PPP1R13B: variants seen among roughly 807,000 people sequenced by gnomAD.
The protein encoded by PPP1R13B is protein phosphatase 1 regulatory subunit 13B.
A neutral mutation model predicts 119.8 loss-of-function variants in PPP1R13B; 44 were observed. The observed-to-expected ratio is 0.37, with a 90% CI of 0.29 to 0.47. The LOEUF (loss-of-function observed/expected upper bound fraction) is 0.47. Among genes scored for constraint, PPP1R13B ranks in the 20% least tolerant of loss-of-function variants. PPP1R13B has a pLI of 0.99. For missense variants in PPP1R13B, 1,227 were observed against 1,413.5 expected (o/e 0.87, Z 2.12); for synonymous variants, 542 against 561.5 (o/e 0.97, Z 0.49).
upstream of PPP1R13B, chr14:103,848,431 GACC>G: frequency 1.0e-6 from 1 of 985,462 alleles, no homozygotes; most frequent in South Asian, 4.7e-5. Context: ...GCCCTGAGCA[GACC>G]CTCAGTAAAG....
chr14:103,797,055 C>T (rs894745736), intron 2 of PPP1R13B, among the ~76,000 whole-genome samples: 3 of 143,880 alleles, frequency 2.1e-5, no homozygotes, highest in East Asian at 2.0e-4. Context: ...ACAGCCCAAA[C>T]ATCTATCACT....
Position 103,743,020 on chromosome 14 carries a change from A to G in PPP1R13B, c.1151-197T>C. On this transcript the variant is annotated intron_variant, in intron 9 of 16. Coordinates refer to ENST00000202556, the MANE Select transcript of PPP1R13B (RefSeq NM_015316.3). Reference sequence around the variant, plus strand: ...ACCCACAGACCCGTGCACAAGACCAAGGGACGGGCTCTGCTGGCAGCTCAC... The same window carrying G: ...ACCCACAGACCCGTGCACAAGACCAGGGGACGGGCTCTGCTGGCAGCTCAC... 3 of 598,684 alleles carry G rather than the reference A, an allele frequency of 5.0e-6. No individual in the cohort carries two copies. The South Asian group carries it at 6.0e-5, about 12-fold the overall frequency. 37.1% of individuals were successfully genotyped at this position (598,684 alleles called of 1,614,324 possible). A position where few individuals can be genotyped will look rare whatever the true frequency, so the allele number is the denominator to read the frequency against.
chr14:103,744,261 T>C (rs867356950), intron 9 of PPP1R13B, among the ~76,000 whole-genome samples: 2 of 152,262 alleles, frequency 1.3e-5, no homozygotes, highest in South Asian at 4.1e-4. Context: ...AATCATTTTA[T>C]AGAGGAACAA....
intron 1 of PPP1R13B, among the ~76,000 whole-genome samples, chr14:103,829,928 G>A (rs1413912538): frequency 2.6e-5 from 4 of 151,076 alleles, no homozygotes; most frequent in South Asian, 2.1e-4. Flanking sequence ...ACAGATGCAC[G>A]CCACCATGCC....
At chr14:103,828,054 TTATGGCAAGACATGGCAG>T (rs2086591078) in intron 1 of PPP1R13B, among the ~76,000 whole-genome samples, 2 of 152,008 alleles carry the variant, frequency 1.3e-5, no homozygotes, top group African/African-American at 4.8e-5. Flanking sequence ...TGTTTTTGTT[TTATGGCAAGACATGGCAG>T]TATAAAAAGC....
chr14:103,749,961 T>C, intron 7 of PPP1R13B, 27 bp from the exon 8 acceptor site: 1 of 1,600,372 alleles, frequency 6.2e-7, no homozygotes, highest in Admixed American at 1.8e-5. Context: ...ACAACCTTTA[T>C]GATTTGTGTT....
At chr14:103,846,680 G>A (rs1353950912) in intron 1 of PPP1R13B, 1 of 452,894 alleles carries the variant, frequency 2.2e-6, no homozygotes, top group African/African-American at 2.0e-5. Context: ...CTAGGCGAAA[G>A]CATCCTTAAG....
In PPP1R13B at chr14:103,738,754, CAG is replaced by C; in HGVS notation, c.2787_2788del (p.Cys930ArgfsTer21). 6.2e-7 allele frequency: 1 copy of C among 1,614,248 alleles called. No homozygotes were observed. The highest frequency in any genetic ancestry group is 8.5e-7 in the Non-Finnish European group (1 of 1,180,040). ...CTTCACGATGTGATGGTGGCCGGCG[CAG>C]ACGGCGTTGTGCAGTGGGGTGATCC... is the stretch of plus-strand genomic sequence containing the variant. On this transcript the variant is annotated frameshift_variant, in exon 14 of 17. Coordinates refer to ENST00000202556, the MANE Select transcript of PPP1R13B (RefSeq NM_015316.3). LOFTEE classifies it high-confidence loss of function. This position sits in a 1 kb window ranked among gnomAD's most constrained non-coding sequence, Gnocchi z 5.6.
Position 103,735,992 on chromosome 14 carries a change from T to C in PPP1R13B, c.3231+11A>G, listed in dbSNP as rs1180897506. On this transcript the variant is annotated intron_variant, in intron 16 of 16. Transcript: ENST00000202556. Reference sequence around the variant, plus strand: ...GCAGCTAGTTTCCCAGTAAGTAACCTGAGTGCTCACCCCCAGCAGGTTTTT... The same window carrying C: ...GCAGCTAGTTTCCCAGTAAGTAACCCGAGTGCTCACCCCCAGCAGGTTTTT... 1 of 1,613,880 alleles carries C rather than the reference T, an allele frequency of 6.2e-7. No homozygotes were observed. The highest frequency in any genetic ancestry group is 1.3e-5 in the African/African-American group (1 of 74,904).
At chr14:103,780,452 A>T (rs1157233553) in intron 3 of PPP1R13B, among the ~76,000 whole-genome samples, 2 of 130,982 alleles carry the variant, frequency 1.5e-5, no homozygotes, top group African/African-American at 3.0e-5. Context: ...ATGCCACTGC[A>T]CTCCAGCCTG....
chr14:103,746,288 GCCTGCCCCACCC>G, intron 9 of PPP1R13B, 73 bp downstream of exon 9: 1 of 299,606 alleles, frequency 3.3e-6, no homozygotes, highest in Non-Finnish European at 6.7e-6. Context: ...AGCCTCAGGA[GCCTGCCCCACCC>G]CCCGCCCCTC....
chr14:103,804,125 T>C (rs377163410), intron 1 of PPP1R13B: 2 of 853,340 alleles, frequency 2.3e-6, no homozygotes, highest in Non-Finnish European at 2.8e-6. Context: ...GAAAATATCA[T>C]ACTAGACCAT....
At chr14:103,786,383 T>C (rs1025089944) in intron 2 of PPP1R13B, among the ~76,000 whole-genome samples, 3 of 152,214 alleles carry the variant, frequency 2.0e-5, no homozygotes, top group East Asian at 1.9e-4. Context: ...AACTCAGTTG[T>C]TGAATTTAAA....
chr14:103,816,600 G>A (rs1312758834), intron 1 of PPP1R13B, among the ~76,000 whole-genome samples: 6 of 150,264 alleles, frequency 4.0e-5, no homozygotes, highest in East Asian at 4.0e-4. Flanking sequence ...CAGGAGAATC[G>A]CTTGTACCCG....
At position 103,733,895 on chromosome 14, in the gene PPP1R13B, G is replaced by GT. The variant is rs2084016857; in HGVS notation, c.*1258_*1259insA. 6.5e-6 allele frequency: 1 copy of GT among 153,500 alleles called. No individual in the cohort carries two copies. Among genetic ancestry groups the GT allele is most frequent in the Non-Finnish European group, 1.4e-5 (1 of 68,966 alleles). 9.5% of individuals were successfully genotyped at this position (153,500 alleles called of 1,614,324 possible). ...CTATGTACAGTCAGTGCTCCAAGGTGATGGGCTACAGTGCTGCATCAGTGA... is the reference window on the plus strand; with the variant it reads ...CTATGTACAGTCAGTGCTCCAAGGTGTATGGGCTACAGTGCTGCATCAGTGA... On this transcript the variant is annotated 3_prime_UTR_variant, in exon 17 of 17. Transcript: ENST00000202556.
rs188865693 is a variant in PPP1R13B at position 103,800,463 on chromosome 14, G to A, written c.10-2945C>T. 3.3e-3 allele frequency among the ~76,000 whole-genome samples: 500 copies of A among 152,170 alleles called. 2 individuals carry two copies. The highest frequency in any genetic ancestry group is 0.011 in the African/African-American group (472 of 41,528). Reference sequence around the variant, plus strand: ...AGATCAGGAGTTTGAGACCAGCCTGGCCAACATGGCAAAACACTGTCTCTA... The same window carrying A: ...AGATCAGGAGTTTGAGACCAGCCTGACCAACATGGCAAAACACTGTCTCTA... On this transcript the variant is annotated intron_variant, in intron 1 of 16. Coordinates refer to ENST00000202556, the MANE Select transcript of PPP1R13B (RefSeq NM_015316.3).
chr14:103,775,403 C>G (rs1161099879), intron 4 of PPP1R13B, among the ~76,000 whole-genome samples: 1 of 151,970 alleles, frequency 6.6e-6, no homozygotes, highest in African/African-American at 2.4e-5. Flanking sequence ...GCCTCCAGAA[C>G]AGCTGGGATT....
intron 1 of PPP1R13B, among the ~76,000 whole-genome samples, chr14:103,807,715 C>T (rs917497757): frequency 2.0e-5 from 3 of 151,962 alleles, no homozygotes; most frequent in Admixed American, 2.0e-4. Context: ...AGGATGGTCT[C>T]GATCTCCTGA....
At chr14:103,739,056 G>C (rs747793738) in intron 12 of PPP1R13B, 33 bp from the exon 13 acceptor site, 2 of 1,596,592 alleles carry the variant, frequency 1.3e-6, no homozygotes, top group Non-Finnish European at 1.7e-6. Context: ...TCCAGTTAAA[G>C]GTGGTCCACT....
Sources: allele counts gnomAD v4.1 joint callset (sites outside exome capture counted in the v4.1 genomes callset), GRCh38; gene constraint gnomAD v4.1.1; non-coding constraint Gnocchi (gnomAD v3.1); transcripts MANE v1.5; gene names NCBI Gene and HGNC (gene_info 2026-07-23, HGNC 2026-07-21).